Variants in COL14A1 observed in about 807,000 individuals in gnomAD.
COL14A1 encodes collagen alpha-1(XIV) chain.
A neutral mutation model predicts 230.3 loss-of-function variants in COL14A1; 136 were observed. That is an observed-to-expected ratio of 0.59 (90% CI 0.51 to 0.68). The LOEUF is 0.68. Ranked by LOEUF, COL14A1 falls within the 30% of genes least tolerant of loss-of-function variation. The pLI is 0.00. For synonymous variants in COL14A1, 792 were observed against 784.1 expected (o/e 1.01, Z -0.17); for missense variants, 1,976 against 2,215.8 (o/e 0.89, Z 2.17).
At chr8:120,282,199 T>C (rs1350136095) in intron 31 of COL14A1, among the ~76,000 whole-genome samples, 1 of 152,126 alleles carries the variant, frequency 6.6e-6, no homozygotes, top group Non-Finnish European at 1.5e-5. Flanking sequence ...ATGGATGAAA[T>C]TGGAAATCAT....
chr8:120,199,502 C>T lies in COL14A1; in HGVS notation c.813C>T (p.Ser271=), dbSNP rs1174114327. 1 of 1,612,650 alleles carries T rather than the reference C, an allele frequency of 6.2e-7. No individual in the cohort carries two copies. The highest frequency in any genetic ancestry group is 1.3e-5 in the African/African-American group (1 of 74,766). ...KIGILITDGK[S]QDDIIPPSRN... ...GCATTTTAATCACAGATGGAAAATC[C>T]CAAGATGACATTATTCCACCATCTA... is the stretch of plus-strand genomic sequence containing the variant. The change falls in exon 8 of 48, where the codon TCC becomes TCT. Residue 271 remains serine (S), a synonymous_variant. Transcript: ENST00000297848.
chr8:120,328,822 G>T lies in COL14A1; in HGVS notation c.4660-3319G>T, dbSNP rs144312988. 2.2e-3 allele frequency among the ~76,000 whole-genome samples: 334 copies of T among 152,270 alleles called. 4 individuals are homozygous for T. The highest frequency in any genetic ancestry group is 7.7e-3 in the African/African-American group (321 of 41,562). ...TTCTGCAGTTTCTTTTCTGCAGCTT[G>T]CCTCCTTCTGTGAAAAAGATTCCCC... is the stretch of plus-strand genomic sequence containing the variant. On this transcript the variant is annotated intron_variant, in intron 40 of 47. Transcript: ENST00000297848.
intron 36 of COL14A1, among the ~76,000 whole-genome samples, chr8:120,306,516 TTTAA>T (rs746919552): frequency 6.6e-6 from 1 of 152,234 alleles, no homozygotes; most frequent in African/African-American, 2.4e-5. Context: ...TTGAACATTC[TTTAA>T]TTGTTTTCTC....
chr8:120,240,344 G>A (rs756452517), intron 19 of COL14A1, among the ~76,000 whole-genome samples: 2 of 152,124 alleles, frequency 1.3e-5, no homozygotes, highest in East Asian at 1.9e-4. Context: ...TTGAAAATTT[G>A]TATCAGTGTT....
chr8:120,331,369 G>A (rs1431377741), intron 40 of COL14A1, among the ~76,000 whole-genome samples: 1 of 152,168 alleles, frequency 6.6e-6, no homozygotes, highest in Non-Finnish European at 1.5e-5. Context: ...ATAAAATTCA[G>A]ATTGAAGATT....
intron 1 of COL14A1, among the ~76,000 whole-genome samples, chr8:120,141,428 C>T (rs1281263712): frequency 6.6e-6 from 1 of 151,978 alleles, no homozygotes; most frequent in Non-Finnish European, 1.5e-5. Context: ...TGCCTATAGT[C>T]CAGCTGCTTG....
At chr8:120,201,874 C>A (rs1319547107) in intron 8 of COL14A1, among the ~76,000 whole-genome samples, 1 of 152,008 alleles carries the variant, frequency 6.6e-6, no homozygotes, top group Non-Finnish European at 1.5e-5. Context: ...TGTGCAGTTG[C>A]AACAGTCAAA....
chr8:120,268,092 C>T (rs1178400098), intron 25 of COL14A1, among the ~76,000 whole-genome samples: 1 of 151,810 alleles, frequency 6.6e-6, no homozygotes, highest in Non-Finnish European at 1.5e-5. Context: ...TAAAGCTCAA[C>T]ATTCATCCTA....
chr8:120,193,328 C>G (rs990317267), intron 5 of COL14A1, among the ~76,000 whole-genome samples: 2 of 152,208 alleles, frequency 1.3e-5, no homozygotes, highest in Admixed American at 1.3e-4. Context: ...CCCTGTTTGC[C>G]TGCGTATCAG....
chr8:120,338,131 A>G (rs576597830), intron 42 of COL14A1, among the ~76,000 whole-genome samples: 14 of 152,348 alleles, frequency 9.2e-5, no homozygotes, highest in African/African-American at 2.9e-4. Context: ...TAGCAAGAAT[A>G]GCAAGAAAAC....
At chr8:120,140,417 C>T (rs979570196) in intron 1 of COL14A1, among the ~76,000 whole-genome samples, 5 of 151,816 alleles carry the variant, frequency 3.3e-5, no homozygotes, top group African/African-American at 1.2e-4. Flanking sequence ...TTATCAAGTA[C>T]AGTGCTTTGG....
rs549236800 is a variant in COL14A1 at position 120,311,235 on chromosome 8, G to A, written c.4455+1173G>A. 5.9e-5 allele frequency among the ~76,000 whole-genome samples: 9 copies of A among 152,250 alleles called. No homozygotes were observed. The South Asian group carries it at 1.7e-3, about 28-fold the overall frequency. ...CATCTTTTATGGTGCTGTAAGAAGGGCAGTAGTTGGAGGCCTCTTCTCAAG... is the reference window on the plus strand; with the variant it reads ...CATCTTTTATGGTGCTGTAAGAAGGACAGTAGTTGGAGGCCTCTTCTCAAG... On this transcript the variant is annotated intron_variant, in intron 37 of 47. Coordinates refer to ENST00000297848, the MANE Select transcript of COL14A1 (RefSeq NM_021110.4).
At chr8:120,209,945 CT>C in intron 12 of COL14A1, 44 bp downstream of exon 12, 1 of 1,320,384 alleles carries the variant, frequency 7.6e-7, no homozygotes, top group South Asian at 2.3e-5. Flanking sequence ...CTTTTATTTC[CT>C]TAAATAAAAT....
At chr8:120,331,774 G>A (rs565961355) in intron 40 of COL14A1, among the ~76,000 whole-genome samples, 2 of 152,302 alleles carry the variant, frequency 1.3e-5, no homozygotes, top group East Asian at 3.9e-4. Flanking sequence ...CCCTGCCCAA[G>A]ACTCTCTTAG....
chr8:120,147,974 T>C (rs1008639004), intron 2 of COL14A1, 44 bp downstream of exon 2: 1 of 1,305,338 alleles, frequency 7.7e-7, no homozygotes, highest in Non-Finnish European at 1.1e-6. Flanking sequence ...GGACTCTAGC[T>C]TTCTTGTTTC....
chr8:120,215,910 C>T (rs570938448), intron 13 of COL14A1, among the ~76,000 whole-genome samples: 13 of 152,236 alleles, frequency 8.5e-5, no homozygotes, highest in South Asian at 2.1e-4. Flanking sequence ...TAGATACCAA[C>T]GTGGAAATGG....
chr8:120,128,696 A>G (rs1814433539), intron 1 of COL14A1, among the ~76,000 whole-genome samples: 1 of 152,174 alleles, frequency 6.6e-6, no homozygotes, highest in African/African-American at 2.4e-5. Context: ...TCTTTAAGTC[A>G]AAGTTTAGAG....
At chr8:120,190,342 T>G (rs968213645) in intron 5 of COL14A1, among the ~76,000 whole-genome samples, 2 of 152,230 alleles carry the variant, frequency 1.3e-5, no homozygotes, top group Admixed American at 1.3e-4. Context: ...GTTTGTTTTT[T>G]TCTTGTCAAT....
At chr8:120,132,003 C>A (rs1031134531) in intron 1 of COL14A1, among the ~76,000 whole-genome samples, 1 of 151,836 alleles carries the variant, frequency 6.6e-6, no homozygotes, top group Non-Finnish European at 1.5e-5. Context: ...TATGCCCCAC[C>A]ATGCCCAGAT....
Sources: allele counts gnomAD v4.1 joint callset (sites outside exome capture counted in the v4.1 genomes callset), GRCh38; gene constraint gnomAD v4.1.1; transcripts MANE v1.5; gene names NCBI Gene and HGNC (gene_info 2026-07-23, HGNC 2026-07-21).